Variants in ACSF3 observed in about 807,000 individuals in gnomAD.
The protein encoded by ACSF3 is acyl-CoA synthetase family member 3.
A neutral mutation model predicts 53.2 loss-of-function variants in ACSF3; 78 were observed. The observed-to-expected ratio is 1.47, with a 90% CI of 1.22 to 1.77. The LOEUF is 1.77. Among genes scored for constraint, ACSF3 ranks in the 40% most tolerant of loss-of-function variants. The pLI, the probability that ACSF3 is intolerant of heterozygous loss-of-function variation, is 0.00. For synonymous variants in ACSF3, 414 were observed against 333.1 expected, an observed-to-expected ratio of 1.24 and a Z score of -2.65; for missense variants, 937 against 771.1, an observed-to-expected ratio of 1.22 and a Z score of -2.55.
At chr16:89,109,469 T>G (rs934409561) in intron 4 of ACSF3, among the ~76,000 whole-genome samples, 1 of 123,830 alleles carries the variant, frequency 8.1e-6, no homozygotes, top group African/African-American at 3.1e-5. Context: ...TGGAGTGCAG[T>G]GGCTCAGTCT....
chr16:89,137,311 C>CCAGGAGCTCAT (rs1910750541), intron 8 of ACSF3, among the ~76,000 whole-genome samples: 4 of 110,356 alleles, frequency 3.6e-5, no homozygotes, highest in African/African-American at 1.2e-4. Flanking sequence ...CAGGAGCTCA[C>CCAGGAGCTCAT]GGGGAAGGAT....
chr16:89,141,365 A>G lies in ACSF3; in HGVS notation c.1367-3902A>G. On this transcript the variant is annotated intron_variant, in intron 8 of 10. Coordinates refer to ENST00000614302, the MANE Select transcript of ACSF3 (RefSeq NM_001243279.3). ...GCTCTGTGCTGAGAAGCTAGAACAAAGCCTGACATGTTCCAAGGGGCAAGC... is the reference window on the plus strand; with the variant it reads ...GCTCTGTGCTGAGAAGCTAGAACAAGGCCTGACATGTTCCAAGGGGCAAGC... The G allele has an allele frequency of 2.4e-6, 3 of 1,229,670 alleles. No individual in the cohort carries two copies. The South Asian group carries it at 3.8e-5, about 16-fold the overall frequency. 76.2% of individuals were successfully genotyped at this position (1,229,670 alleles called of 1,614,324 possible).
At chr16:89,145,076 A>G in intron 8 of ACSF3, 191 bp from the exon 9 acceptor site, 1 of 1,498,114 alleles carries the variant, frequency 6.7e-7, no homozygotes. Flanking sequence ...GCACGTCGTG[A>G]CCACCAGGAA....
Position 89,145,304 on chromosome 16 carries a change from C to A in ACSF3, c.1404C>A (p.Ile468=). Residue 468 remains isoleucine (I), a synonymous_variant, in exon 9 of 11, where the codon ATC becomes ATA. Transcript: ENST00000614302. ...TVVFKDGQYW[I]RGRTSVDIIK... is the part of the protein sequence containing the mutation. ...TGTTTAAGGATGGCCAGTACTGGAT[C>A]CGAGGCCGGACCTCAGTGGACATCA... is the stretch of plus-strand genomic sequence containing the variant. The A allele has an allele frequency of 6.2e-7, 1 of 1,614,146 alleles. No individual in the cohort carries two copies. The highest frequency in any genetic ancestry group is 8.5e-7 in the Non-Finnish European group (1 of 1,180,000).
chr16:89,099,188 A>G (rs1173788858), intron 2 of ACSF3, among the ~76,000 whole-genome samples: 1 of 152,204 alleles, frequency 6.6e-6, no homozygotes, highest in African/African-American at 2.4e-5. Context: ...CTGTGTCCGC[A>G]TCCTGGGGCG....
chr16:89,146,206 C>CA (rs1394005110), intron 10 of ACSF3, among the ~76,000 whole-genome samples, 157 bp downstream of exon 10: 2 of 152,306 alleles, frequency 1.3e-5, no homozygotes, highest in African/African-American at 4.8e-5. Context: ...AGGCCGCACA[C>CA]AGCAGGTAGA....
intron 8 of ACSF3, among the ~76,000 whole-genome samples, chr16:89,135,924 G>A (rs1240453842): frequency 1.3e-5 from 2 of 152,200 alleles, no homozygotes; most frequent in South Asian, 2.1e-4. Context: ...ACAGGCGCCC[G>A]CCACCACGCC....
At position 89,154,161 on chromosome 16, in the gene ACSF3, G is replaced by T. The variant is rs1401905863; in HGVS notation, c.1685G>T (p.Gly562Val). 1 of 1,613,572 alleles carries T rather than the reference G, an allele frequency of 6.2e-7. No individual in the cohort carries two copies. Among genetic ancestry groups the T allele is most frequent in the African/African-American group, 1.3e-5 (1 of 75,012 alleles). Residue 562 changes from glycine to valine, a missense_variant, in exon 11 of 11, where the codon GGC becomes GTC. Transcript: ENST00000614302. ...LVEEIPRNQM[G>V]KIDKKALIRH... is the part of the protein sequence containing the mutation. ...GAGGAGATCCCGCGGAACCAGATGG[G>T]CAAGATTGACAAGAAGGCGCTCATC... is the stretch of plus-strand genomic sequence containing the variant.
chr16:89,117,515 C>G (rs1216542171), intron 6 of ACSF3, among the ~76,000 whole-genome samples: 2 of 151,990 alleles, frequency 1.3e-5, no homozygotes, highest in African/African-American at 2.4e-5. Context: ...GGACCACTGT[C>G]TACACCCAGG....
Position 89,135,824 on chromosome 16 carries a change from C to T in ACSF3, c.1366+2562C>T, listed in dbSNP as rs566436636. 8.5e-5 allele frequency among the ~76,000 whole-genome samples: 13 copies of T among 152,354 alleles called. No individual in the cohort carries two copies. The East Asian group carries it at 2.5e-3, about 29-fold the overall frequency. Reference sequence around the variant, plus strand: ...GAGTCTCGCTCTGTCGCCCAGTCTGCAGTGCAGTGGCACGATCTCAGCTCA... The same window carrying T: ...GAGTCTCGCTCTGTCGCCCAGTCTGTAGTGCAGTGGCACGATCTCAGCTCA... On this transcript the variant is annotated intron_variant, in intron 8 of 10. Transcript: ENST00000614302.
intron 8 of ACSF3, among the ~76,000 whole-genome samples, chr16:89,143,227 G>A (rs1297925230): frequency 4.7e-5 from 7 of 149,292 alleles, no homozygotes; most frequent in Non-Finnish European, 8.8e-5. Context: ...TCTCAGCCCC[G>A]TGCGTAGCTG....
At chr16:89,120,684 C>T (rs916209435) in intron 6 of ACSF3, 117 bp from the exon 7 acceptor site, 50 of 1,001,042 alleles carry the variant, frequency 5.0e-5, no homozygotes, top group Non-Finnish European at 7.0e-5. Context: ...GCTCCCTCCA[C>T]ACAGACTCCC....
intron 6 of ACSF3, 70 bp downstream of exon 6, chr16:89,114,557 G>T: frequency 3.8e-6 from 6 of 1,595,480 alleles, no homozygotes; most frequent in Non-Finnish European, 4.3e-6. Context: ...GGCCAGTCTC[G>T]AACCACCCAC....
rs548290778 is a variant in ACSF3, at chr16:89,123,592, A to G, written c.1239+2679A>G. Among the ~76,000 whole-genome samples the G allele has an allele frequency of 5.1e-4, 78 of 152,302 alleles. 1 individual carries two copies. In the South Asian group the frequency reaches 0.015, roughly 30 times the overall value. On this transcript the variant is annotated intron_variant, in intron 7 of 10. Coordinates refer to ENST00000614302, the MANE Select transcript of ACSF3 (RefSeq NM_001243279.3). ...TCCCCAGAAGGTCTCCCTCAGGACT[A>G]GTCATGAGAATGGCCATCCCTAGGC...
At chr16:89,145,129 A>C (rs1200163538) in intron 8 of ACSF3, 138 bp from the exon 9 acceptor site, 2 of 1,603,104 alleles carry the variant, frequency 1.2e-6, no homozygotes, top group African/African-American at 1.3e-5. Flanking sequence ...TGGGGTTGCC[A>C]CAGGGTAGTA....
chr16:89,122,137 G>A lies in ACSF3; in HGVS notation c.1239+1224G>A, dbSNP rs373067284. Among the ~76,000 whole-genome samples the A allele has an allele frequency of 1.1e-4, 6 of 56,976 alleles. No individual in the cohort carries two copies. In the East Asian group the frequency reaches 2.4e-3, roughly 23 times the overall value. 37.4% of individuals were successfully genotyped at this position (56,976 alleles called of 152,430 possible). On this transcript the variant is annotated intron_variant, in intron 7 of 10. Transcript: ENST00000614302. ...CGCCTGGCCTGGGCCACCCGCAGTG[G>A]GCTGTTATCCCCCGTGGCCCTGAAG...
intron 4 of ACSF3, among the ~76,000 whole-genome samples, chr16:89,103,235 C>G (rs934405154): frequency 1.6e-4 from 25 of 152,316 alleles, no homozygotes; most frequent in African/African-American, 5.8e-4. Context: ...CCCTGCTGCC[C>G]GCGAGCTCCT....
At chr16:89,098,991 C>G (rs1255597904) in intron 2 of ACSF3, among the ~76,000 whole-genome samples, 1 of 152,264 alleles carries the variant, frequency 6.6e-6, no homozygotes, top group Non-Finnish European at 1.5e-5. Flanking sequence ...GCTGTCAGAC[C>G]GAGGGCCGCT....
chr16:89,112,371 CCT>C (rs1295153524), intron 5 of ACSF3, 125 bp downstream of exon 5: 10 of 1,222,740 alleles, frequency 8.2e-6, no homozygotes, highest in South Asian at 1.2e-5. Context: ...TTCAATGTTC[CCT>C]CTCTCTCTAC....
Sources: gnomAD v4.1 joint callset for allele counts (sites outside exome capture counted in the v4.1 genomes callset) on GRCh38, gnomAD v4.1.1 for gene constraint, MANE v1.5 for transcripts, NCBI Gene and HGNC (gene_info 2026-07-23, HGNC 2026-07-21) for gene names.